ZDHHC15: variants seen among roughly 807,000 people sequenced by gnomAD.
ZDHHC15 encodes the protein palmitoyltransferase ZDHHC15.
ZDHHC15 carries 19 observed loss-of-function variants against 31.7 expected under a neutral mutation model. The observed-to-expected ratio is 0.60, with a 90% CI of 0.42 to 0.88. The LOEUF (loss-of-function observed/expected upper bound fraction) is 0.88, where lower values mean the gene tolerates loss of function less well. Among genes scored for constraint, ZDHHC15 ranks in the 40% least tolerant of loss-of-function variants. ZDHHC15 has a pLI of 0.00. For missense variants in ZDHHC15, 209 were observed against 251.2 expected (o/e 0.83, Z 1.14); for synonymous variants, 103 against 90.0 (o/e 1.14, Z -0.82).
rs192306481 is a variant in ZDHHC15 at position 75,456,576 on chromosome X, G to C, written c.259-5654C>G. 1.1e-3 allele frequency among the ~76,000 whole-genome samples: 122 copies of C among 111,547 alleles called. 1 individual carries two copies. The highest frequency in any genetic ancestry group is 0.01 in the East Asian group (37 of 3,535). ...AGATGCTGTCAAGGATGTGGAGAAA[G>C]AGGAATGTTTTTATACTGTTGGTGG... On this transcript the variant is annotated intron_variant, in intron 3 of 11. Transcript: ENST00000373367.
At chrX:75,510,580 A>T (rs1434819664) in intron 1 of ZDHHC15, among the ~76,000 whole-genome samples, 17 of 60,988 alleles carry the variant, frequency 2.8e-4, no homozygotes, top group East Asian at 8.8e-4. Flanking sequence ...TATTATTATT[A>T]TTTTTTAAAT....
intron 3 of ZDHHC15, among the ~76,000 whole-genome samples, chrX:75,473,389 C>A (rs1453445679): frequency 1.8e-5 from 2 of 111,022 alleles, no homozygotes; most frequent in Admixed American, 1.9e-4. Flanking sequence ...TCACTATCAC[C>A]CCTAGTGATC....
At chrX:75,444,669 TATATATATATATATATATAC>T (rs1307204369) in intron 4 of ZDHHC15, among the ~76,000 whole-genome samples, 26 of 78,094 alleles carry the variant, frequency 3.3e-4, no homozygotes, top group African/African-American at 1.2e-3. Context: ...TATATATATA[TATATATATATATATATATAC>T]ACACACACAC....
chrX:75,425,819 AT>A (rs1014129081), intron 7 of ZDHHC15, among the ~76,000 whole-genome samples: 3 of 111,380 alleles, frequency 2.7e-5, no homozygotes, highest in East Asian at 5.6e-4. Flanking sequence ...GATAGTACAG[AT>A]TTTTTTCTTC....
At chrX:75,388,847 C>G (rs1033985851) in intron 10 of ZDHHC15, among the ~76,000 whole-genome samples, 1 of 111,961 alleles carries the variant, frequency 8.9e-6, no homozygotes, top group African/African-American at 3.2e-5. Flanking sequence ...ACAGCAACAC[C>G]AAATTGAGCA....
At chrX:75,373,145 T>C (rs2083019353) in intron 11 of ZDHHC15, among the ~76,000 whole-genome samples, 200 bp from the exon 12 acceptor site, 1 of 111,857 alleles carries the variant, frequency 8.9e-6, no homozygotes, top group Non-Finnish European at 1.9e-5. Context: ...AAAATTACAT[T>C]TGGAATAAGA....
At chrX:75,472,006 T>A (rs988095770) in intron 3 of ZDHHC15, among the ~76,000 whole-genome samples, 3 of 112,083 alleles carry the variant, frequency 2.7e-5, no homozygotes, top group Non-Finnish European at 5.6e-5. Context: ...CTATCTATCA[T>A]GAACTGGGCA....
chrX:75,470,339 A>G (rs1184962140), intron 3 of ZDHHC15, among the ~76,000 whole-genome samples: 3 of 111,636 alleles, frequency 2.7e-5, no homozygotes, highest in African/African-American at 9.8e-5. Flanking sequence ...CTCAGCTTGC[A>G]GATGGTCTAT....
At chrX:75,373,144 T>G (rs377743158) in intron 11 of ZDHHC15, among the ~76,000 whole-genome samples, 199 bp from the exon 12 acceptor site, 5 of 111,931 alleles carry the variant, frequency 4.5e-5, no homozygotes, top group African/African-American at 1.6e-4. Flanking sequence ...CAAAATTACA[T>G]TTGGAATAAG....
In ZDHHC15 at chrX:75,384,548, C is replaced by A. The variant is rs1401776859; in HGVS notation, c.968-5350G>T. ...AAAACTGGAAGAGTCTACAATGTTA[C>A]CCAGCATACTGTTGGCATTGTTGTA... On this transcript the variant is annotated intron_variant, in intron 10 of 11. Transcript: ENST00000373367. 2.1e-5 allele frequency: 17 copies of A among 826,521 alleles called. No homozygotes were observed. In the East Asian group the frequency reaches 5.1e-4, roughly 25 times the overall value. The allele number at this position is 826,521 out of a possible 1,213,427, so 68.1% of individuals were successfully genotyped here. A position where few individuals can be genotyped will look rare whatever the true frequency, so the allele number is the denominator to read the frequency against.
chrX:75,424,800 TAAAC>T lies in ZDHHC15; in HGVS notation c.604-20_604-17del, dbSNP rs1569322461. ...GTAATTCCCCCTAGAAAAGAAATAA[TAAAC>T]AAGCAAAAGATTAAAGTGGAAACGG... On this transcript the variant is annotated splice_polypyrimidine_tract_variant and intron_variant, in intron 7 of 11. Coordinates refer to ENST00000373367, the MANE Select transcript of ZDHHC15 (RefSeq NM_144969.3). The T allele has an allele frequency of 1.7e-6, 2 of 1,171,629 alleles. No homozygotes were observed. Among genetic ancestry groups the T allele is most frequent in the Non-Finnish European group, 1.1e-6 (1 of 877,835 alleles).
At chrX:75,514,657 T>C (rs1173203631) in intron 1 of ZDHHC15, among the ~76,000 whole-genome samples, 2 of 111,363 alleles carry the variant, frequency 1.8e-5, no homozygotes, top group African/African-American at 6.5e-5. Flanking sequence ...CTATGACAGA[T>C]TGCACCTGGA....
chrX:75,431,549 A>T, intron 4 of ZDHHC15, 29 bp from the exon 5 acceptor site: 2 of 1,170,605 alleles, frequency 1.7e-6, no homozygotes, highest in South Asian at 3.7e-5. Context: ...GGTGGTTAGC[A>T]CTTGTTAGGG....
intron 2 of ZDHHC15, among the ~76,000 whole-genome samples, chrX:75,480,601 T>C (rs1388960961): frequency 9.0e-6 from 1 of 111,326 alleles, no homozygotes; most frequent in African/African-American, 3.3e-5. Flanking sequence ...CTTTGTTGTG[T>C]ATCCTTTATG....
rs747584426 is a variant in ZDHHC15 at position 75,437,271 on chromosome X, T to G, written c.380-5751A>C. ...TTCTTTGTTGACTTTCTTTTTTTTG[T>G]TTTTTTTTTTTAAATTTATTTATTA... On this transcript the variant is annotated intron_variant, in intron 4 of 11. Transcript: ENST00000373367. Among the ~76,000 whole-genome samples, 154 of 10,246 alleles carry G rather than the reference T, an allele frequency of 0.015. No individual in the cohort carries two copies. The Non-Finnish European group carries it at 0.21, about 14-fold the overall frequency. The allele number at this position is 10,246 out of a possible 115,157, so 8.9% of individuals were successfully genotyped here.
At chrX:75,441,719 G>A (rs1363397459) in intron 4 of ZDHHC15, among the ~76,000 whole-genome samples, 7 of 107,653 alleles carry the variant, frequency 6.5e-5, no homozygotes, top group African/African-American at 2.4e-4. Flanking sequence ...CGCCTCCTGG[G>A]TTCACGCCAT....
At chrX:75,521,601 G>A (rs1222584297) in intron 1 of ZDHHC15, among the ~76,000 whole-genome samples, 1 of 110,779 alleles carries the variant, frequency 9.0e-6, no homozygotes, top group Non-Finnish European at 1.9e-5. Context: ...AGGATATAGA[G>A]TGCTCCTTAG....
intron 2 of ZDHHC15, among the ~76,000 whole-genome samples, chrX:75,491,852 G>T (rs995725509): frequency 2.7e-5 from 3 of 111,443 alleles, no homozygotes; most frequent in Non-Finnish European, 5.6e-5. Flanking sequence ...AAATTGTAAA[G>T]TCCATCGAGG....
intron 4 of ZDHHC15, among the ~76,000 whole-genome samples, chrX:75,447,162 A>T (rs1481398073): frequency 8.9e-6 from 1 of 111,791 alleles, no homozygotes; most frequent in East Asian, 2.8e-4. Flanking sequence ...AGCAGCAGAG[A>T]CCAACACTGA....
Sources: allele counts gnomAD v4.1 joint callset (sites outside exome capture counted in the v4.1 genomes callset), GRCh38; gene constraint gnomAD v4.1.1; transcripts MANE v1.5; gene names NCBI Gene and HGNC (gene_info 2026-07-23, HGNC 2026-07-21).